Variants in AFF3 observed in about 807,000 individuals in gnomAD.
AFF3 encodes the protein AF4/FMR2 family member 3.
A neutral mutation model predicts 129.7 loss-of-function variants in AFF3; 32 were observed. The ratio of observed to expected loss-of-function variants is 0.25; its 90% CI spans 0.19 to 0.33. The LOEUF is 0.33. AFF3 is among the 10% of genes least tolerant of loss of function. AFF3 has a pLI of 1.00. For synonymous variants in AFF3, 644 were observed against 635.4 expected (o/e 1.01, Z -0.20); for missense variants, 1,373 against 1,592.0 (o/e 0.86, Z 2.34).
chr2:99,956,461 C>T (rs1576426547), intron 7 of AFF3, among the ~76,000 whole-genome samples: 1 of 152,172 alleles, frequency 6.6e-6, no homozygotes, highest in African/African-American at 2.4e-5. Context: ...TGTTTGTTAC[C>T]GAAGCATAAC....
chr2:99,625,255 G>A (rs1313758599), intron 13 of AFF3, among the ~76,000 whole-genome samples: 4 of 152,106 alleles, frequency 2.6e-5, no homozygotes, highest in African/African-American at 9.7e-5. Flanking sequence ...TATCGTTTGC[G>A]TAGGGTTGCC....
intron 1 of AFF3, among the ~76,000 whole-genome samples, chr2:100,139,661 A>G (rs1424027660): frequency 2.0e-5 from 3 of 152,238 alleles, no homozygotes; most frequent in African/African-American, 7.2e-5. Flanking sequence ...TCACTTTGAA[A>G]GGAGCATGTA....
intron 13 of AFF3, among the ~76,000 whole-genome samples, chr2:99,604,578 C>T (rs758243394): frequency 2.6e-5 from 4 of 152,142 alleles, no homozygotes; most frequent in Non-Finnish European, 5.9e-5. Flanking sequence ...CCATGACACA[C>T]GTTTACCTAT....
chr2:99,553,453 C>T (rs1410351893), intron 24 of AFF3, among the ~76,000 whole-genome samples: 2 of 152,160 alleles, frequency 1.3e-5, no homozygotes, highest in Non-Finnish European at 2.9e-5. Context: ...ATGGAGTGAA[C>T]TCAGATTTGC....
At chr2:99,904,820 T>C (rs1694594434) in intron 7 of AFF3, among the ~76,000 whole-genome samples, 1 of 152,072 alleles carries the variant, frequency 6.6e-6, no homozygotes, top group African/African-American at 2.4e-5. Context: ...TCTGCAAAAC[T>C]AACATAGGTG....
At chr2:99,849,879 C>A (rs1690021615) in intron 7 of AFF3, among the ~76,000 whole-genome samples, 2 of 152,072 alleles carry the variant, frequency 1.3e-5, no homozygotes, top group South Asian at 4.1e-4. Flanking sequence ...AACAGCCATG[C>A]CTAAGGAGTA....
chr2:100,027,156 C>T (rs969991250), intron 4 of AFF3, among the ~76,000 whole-genome samples: 1 of 152,050 alleles, frequency 6.6e-6, no homozygotes, highest in African/African-American at 2.4e-5. Flanking sequence ...GGCTTTAATC[C>T]CAACCAAACT....
At chr2:99,748,140 T>C (rs186356897) in intron 9 of AFF3, among the ~76,000 whole-genome samples, 258 of 152,264 alleles carry the variant, frequency 1.7e-3, no homozygotes, top group Non-Finnish European at 3.1e-3. Context: ...TCTCTTATTC[T>C]TCACAGAGCC....
At chr2:99,811,551 A>G (rs955957478) in intron 8 of AFF3, among the ~76,000 whole-genome samples, 1 of 152,186 alleles carries the variant, frequency 6.6e-6, no homozygotes, top group Non-Finnish European at 1.5e-5. Flanking sequence ...TATGTTGCCA[A>G]AAGAAGAGAT....
intron 2 of AFF3, among the ~76,000 whole-genome samples, chr2:100,112,831 T>G (rs4851250): frequency 6.6e-6 from 1 of 152,106 alleles, no homozygotes; most frequent in East Asian, 1.9e-4. Context: ...CACCACTATC[T>G]ATAATGAGAG....
At chr2:99,572,942 C>T (rs906773146) in intron 18 of AFF3, among the ~76,000 whole-genome samples, 4 of 152,288 alleles carry the variant, frequency 2.6e-5, no homozygotes, top group East Asian at 1.9e-4. Flanking sequence ...TCCCTGGAAC[C>T]GGGCTTCTCC....
At chr2:99,858,951 T>C (rs1690757000) in intron 7 of AFF3, among the ~76,000 whole-genome samples, 1 of 152,210 alleles carries the variant, frequency 6.6e-6, no homozygotes, top group Non-Finnish European at 1.5e-5. Flanking sequence ...AATTTTGGTG[T>C]GGTTTGATCT....
chr2:99,647,259 A>G (rs1180597048), intron 13 of AFF3, among the ~76,000 whole-genome samples: 1 of 152,246 alleles, frequency 6.6e-6, no homozygotes, highest in Non-Finnish European at 1.5e-5. Context: ...CCAAATGCCC[A>G]TTAACGATAG....
intron 8 of AFF3, among the ~76,000 whole-genome samples, chr2:99,814,216 G>A (rs1203704563): frequency 6.6e-6 from 1 of 151,250 alleles, no homozygotes; most frequent in Non-Finnish European, 1.5e-5. Context: ...AAGTAAAAGA[G>A]CTTCTAATCA....
intron 7 of AFF3, among the ~76,000 whole-genome samples, chr2:99,856,020 C>A (rs577076256): frequency 1.1e-4 from 17 of 152,184 alleles, no homozygotes; most frequent in African/African-American, 4.1e-4. Context: ...CTATAAATGT[C>A]AGACCAATAT....
chr2:100,002,953 A>C (rs1194998859), intron 7 of AFF3, among the ~76,000 whole-genome samples: 2 of 152,156 alleles, frequency 1.3e-5, no homozygotes, highest in Non-Finnish European at 2.9e-5. Context: ...ACGTATTTTT[A>C]AATTCTACCA....
intron 8 of AFF3, among the ~76,000 whole-genome samples, chr2:99,754,822 C>T (rs536976007): frequency 8.5e-4 from 129 of 152,320 alleles, no homozygotes; most frequent in African/African-American, 2.9e-3. Flanking sequence ...ACCCACTCAT[C>T]CCCTGAACAT....
intron 7 of AFF3, among the ~76,000 whole-genome samples, chr2:99,965,373 C>G (rs1028259042): frequency 1.3e-5 from 2 of 152,214 alleles, no homozygotes; most frequent in African/African-American, 4.8e-5. Context: ...GGTAAGGCAT[C>G]TGCACCATGG....
rs577727304 is a variant in AFF3 at position 100,067,961 on chromosome 2, G to A, written c.53+36441C>T. 3.9e-5 allele frequency among the ~76,000 whole-genome samples: 6 copies of A among 152,256 alleles called. No individual in the cohort carries two copies. In the South Asian group the frequency reaches 1.0e-3, roughly 26 times the overall value. On this transcript the variant is annotated intron_variant, in intron 4 of 24. Transcript: ENST00000672756. Reference sequence around the variant, plus strand: ...CCAGAAAAAATAGTTCAAACAAGATGAGAAATAGTTTAAACACAAAAGGCT... The same window carrying A: ...CCAGAAAAAATAGTTCAAACAAGATAAGAAATAGTTTAAACACAAAAGGCT...
Sources: allele counts gnomAD v4.1 joint callset (sites outside exome capture counted in the v4.1 genomes callset), GRCh38; gene constraint gnomAD v4.1.1; transcripts MANE v1.5; gene names NCBI Gene and HGNC (gene_info 2026-07-23, HGNC 2026-07-21).